The following COG5 variants were observed in gnomAD, a reference collection of about 807,000 sequenced individuals.
COG5 encodes conserved oligomeric Golgi complex subunit 5.
A neutral mutation model predicts 110.4 loss-of-function variants in COG5; 86 were observed. The observed-to-expected ratio is 0.78, with a 90% confidence interval of 0.65 to 0.93. The LOEUF (loss-of-function observed/expected upper bound fraction) is 0.93. COG5 is among the 40% of genes least tolerant of loss of function. The pLI is 0.00. For missense variants in COG5, 1,077 were observed against 987.0 expected, an observed-to-expected ratio of 1.09 and a Z score of -1.22; for synonymous variants, 360 against 334.6, an observed-to-expected ratio of 1.08 and a Z score of -0.83.
In COG5 at chr7:107,225,626, C is replaced by T. The variant is rs769233341; in HGVS notation, c.2168+4989G>A. 1.8e-4 allele frequency among the ~76,000 whole-genome samples: 27 copies of T among 152,222 alleles called. 1 individual carries two copies. Among genetic ancestry groups the T allele is most frequent in the Admixed American group, 3.3e-4 (5 of 15,280 alleles). The stretch of plus-strand genomic sequence containing the variant: ...ACCTCCCTGAGCTCAGGTCCTCCCA[C>T]CTTAGCCTACCGAGTAGCTGGGACC... On this transcript the variant is annotated intron_variant, in intron 19 of 21. Coordinates refer to ENST00000297135, the MANE Select transcript of COG5 (RefSeq NM_006348.5).
At chr7:107,392,181 C>A (rs1419267138) in intron 7 of COG5, among the ~76,000 whole-genome samples, 3 of 152,096 alleles carry the variant, frequency 2.0e-5, no homozygotes, top group Admixed American at 6.5e-5. Flanking sequence ...CCAGGTGTTC[C>A]TTGCACAGAG....
rs114300371 is a variant in COG5, at chr7:107,399,814, G to A, written c.669+12688C>T. 2.4e-3 allele frequency among the ~76,000 whole-genome samples: 360 copies of A among 152,216 alleles called. 3 individuals are homozygous for A. Among genetic ancestry groups the A allele is most frequent in the African/African-American group, 8.1e-3 (338 of 41,534 alleles). On this transcript the variant is annotated intron_variant, in intron 7 of 21. Coordinates refer to ENST00000297135, the MANE Select transcript of COG5 (RefSeq NM_006348.5). ...ACCTTCACTATTAAGCAGTTAAAAAGTTTGTCACATCAGTAGTTATTAAGA... is the reference window on the plus strand; with the variant it reads ...ACCTTCACTATTAAGCAGTTAAAAAATTTGTCACATCAGTAGTTATTAAGA...
chr7:107,254,278 G>C (rs1193694970), intron 16 of COG5, among the ~76,000 whole-genome samples: 4 of 151,974 alleles, frequency 2.6e-5, no homozygotes, highest in Admixed American at 6.6e-5. Flanking sequence ...TTTCTGGGTT[G>C]GGCTGCAGGC....
In COG5 at chr7:107,397,010, ACTACTTTCTT is replaced by A. The variant is rs1791064014; in HGVS notation, c.669+15482_669+15491del. ...CATTATGTATTAGCTATTGCCCAAA[ACTACTTTCTT>A]CTTTTTTCTTGATAAAAACCTAATT... On this transcript the variant is annotated intron_variant, in intron 7 of 21. Coordinates refer to ENST00000297135, the MANE Select transcript of COG5 (RefSeq NM_006348.5). Among the ~76,000 whole-genome samples, 3 of 152,160 alleles carry A rather than the reference ACTACTTTCTT, an allele frequency of 2.0e-5. No individual in the cohort carries two copies. In the South Asian group the frequency reaches 6.2e-4, roughly 32 times the overall value.
chr7:107,307,419 C>G (rs892696784), intron 11 of COG5, among the ~76,000 whole-genome samples: 1 of 152,162 alleles, frequency 6.6e-6, no homozygotes, highest in Non-Finnish European at 1.5e-5. Flanking sequence ...TTATAGGTTT[C>G]AAACATATAA....
Position 107,362,324 on chromosome 7 carries a change from T to C in COG5, c.932A>G (p.Tyr311Cys). The C allele has an allele frequency of 2.5e-6, 4 of 1,607,534 alleles. No homozygotes were observed. The highest frequency in any genetic ancestry group is 3.4e-6 in the Non-Finnish European group (4 of 1,174,084). The stretch of plus-strand genomic sequence containing the variant: ...AATATTTACCTGTCCACAAACAGCA[T>C]AAATATGATCCATAAGTTTCTCCAT... The part of the protein sequence containing the change: ...TNMEKLMDHI[Y>C]AVCGQVQHLQ... Residue 311 changes from tyrosine (Y) to cysteine (C), a missense_variant, in exon 9 of 22, where the codon TAT (tyrosine) becomes TGT (cysteine). Physicochemically the swap from Tyr to Cys is radical, Grantham distance 194 (BLOSUM62 -2). Coordinates refer to ENST00000297135, the MANE Select transcript of COG5 (RefSeq NM_006348.5).
intron 19 of COG5, among the ~76,000 whole-genome samples, chr7:107,217,724 G>A (rs962548251): frequency 3.3e-5 from 5 of 151,760 alleles, no homozygotes; most frequent in Admixed American, 2.6e-4. Flanking sequence ...ACAAATTAAC[G>A]GCCACATACG....
At chr7:107,260,945 T>TTTTG (rs543237122) in intron 14 of COG5, among the ~76,000 whole-genome samples, 1 of 151,608 alleles carries the variant, frequency 6.6e-6, no homozygotes, top group Non-Finnish European at 1.5e-5. Context: ...GTCATAGTTT[T>TTTTG]TTTGTTTGTT....
intron 11 of COG5, among the ~76,000 whole-genome samples, chr7:107,308,191 C>T (rs1484672633): frequency 6.6e-6 from 1 of 152,152 alleles, no homozygotes; most frequent in Non-Finnish European, 1.5e-5. Context: ...TCCTCTGATC[C>T]TGTATTTCCT....
chr7:107,283,073 C>T (rs1679990322), intron 13 of COG5, among the ~76,000 whole-genome samples: 1 of 152,126 alleles, frequency 6.6e-6, no homozygotes, highest in Admixed American at 6.5e-5. Context: ...TCAGGTGGCA[C>T]CTCTGCTAGG....
At chr7:107,252,107 G>A (rs1290293263) in intron 16 of COG5, among the ~76,000 whole-genome samples, 1 of 152,086 alleles carries the variant, frequency 6.6e-6, no homozygotes, top group Non-Finnish European at 1.5e-5. Context: ...TGTAGTCCCA[G>A]CCACTTCAAA....
At chr7:107,233,650 A>G (rs954891721) in intron 18 of COG5, among the ~76,000 whole-genome samples, 1 of 152,196 alleles carries the variant, frequency 6.6e-6, no homozygotes, top group African/African-American at 2.4e-5. Context: ...AGGCACTTTT[A>G]TCACAAGAAC....
intron 11 of COG5, among the ~76,000 whole-genome samples, chr7:107,304,732 C>T (rs945200748): frequency 1.3e-5 from 2 of 152,158 alleles, no homozygotes; most frequent in Non-Finnish European, 2.9e-5. Flanking sequence ...GGACCAAAGA[C>T]CTCCTGTCTA....
chr7:107,209,961 T>C (rs1584523568), intron 21 of COG5: 1 of 989,674 alleles, frequency 1.0e-6, no homozygotes. Flanking sequence ...TGTATGACAG[T>C]TAAAGCACCC....
intron 6 of COG5, among the ~76,000 whole-genome samples, chr7:107,491,101 A>ATT (rs1797948960): frequency 6.6e-6 from 1 of 152,108 alleles, no homozygotes; most frequent in Non-Finnish European, 1.5e-5. Flanking sequence ...TTTTAGGTAG[A>ATT]AAGTCTCTAA....
rs577291872 is a variant in COG5 at position 107,526,762 on chromosome 7, T to C, written c.538+475A>G. 2.5e-4 allele frequency among the ~76,000 whole-genome samples: 38 copies of C among 152,344 alleles called. No individual in the cohort carries two copies. The East Asian group carries it at 5.2e-3, about 21-fold the overall frequency. On this transcript the variant is annotated intron_variant, in intron 6 of 21. Coordinates refer to ENST00000297135, the MANE Select transcript of COG5 (RefSeq NM_006348.5). ...ACTTGAATAAATCTCAAAGGTATTA[T>C]TTTGAGTACAAGAAGACAGCCTCAA...
intron 6 of COG5, among the ~76,000 whole-genome samples, chr7:107,412,916 G>C (rs895865423): frequency 2.0e-5 from 3 of 152,116 alleles, no homozygotes; most frequent in East Asian, 1.9e-4. Flanking sequence ...ACATTTAAAA[G>C]TGTCAAATTT....
chr7:107,458,940 C>T (rs1795825489), intron 6 of COG5, among the ~76,000 whole-genome samples: 1 of 150,800 alleles, frequency 6.6e-6, no homozygotes, highest in South Asian at 2.1e-4. Context: ...TATATACACA[C>T]ACATTTATAT....
intron 11 of COG5, among the ~76,000 whole-genome samples, chr7:107,298,876 CAA>C (rs1251840815): frequency 6.6e-6 from 1 of 151,954 alleles, no homozygotes; most frequent in Admixed American, 6.6e-5. Context: ...AAATCAGTAA[CAA>C]AAAGATACCT....
Sources: gnomAD v4.1 joint callset for allele counts (sites outside exome capture counted in the v4.1 genomes callset) on GRCh38, gnomAD v4.1.1 for gene constraint, MANE v1.5 for transcripts, NCBI Gene and HGNC (gene_info 2026-07-23, HGNC 2026-07-21) for gene names.